The following FTCDNL1 variants were observed in gnomAD, a reference collection of about 807,000 sequenced individuals.
The protein encoded by FTCDNL1 is formiminotransferase N-terminal subdomain-containing protein.
In FTCDNL1, 11 loss-of-function variants were observed where a neutral mutation model predicts 5.9. The observed-to-expected ratio is 1.87, with a 90% CI of 1.18 to 3.10. FTCDNL1 has a LOEUF of 3.10. Ranked by LOEUF, FTCDNL1 falls within the 30% of genes most tolerant of loss-of-function variation. The pLI is 0.00. For missense variants in FTCDNL1, 115 were observed against 65.5 expected, an observed-to-expected ratio of 1.76 and a Z score of -2.61; for synonymous variants, 58 against 24.8, an observed-to-expected ratio of 2.34 and a Z score of -3.99.
chr2:199,670,637 TCA>T, the FTCDNL1 span, among the ~76,000 whole-genome samples: 25 of 152,248 alleles, frequency 1.6e-4, no homozygotes, highest in South Asian at 5.2e-3. Flanking sequence ...TCCCCAAAAC[TCA>T]CAGACTTTGT....
the FTCDNL1 span, among the ~76,000 whole-genome samples, chr2:199,750,492 T>G: frequency 6.6e-6 from 1 of 152,208 alleles, no homozygotes; most frequent in Non-Finnish European, 1.5e-5. Flanking sequence ...TGTTTCCAAC[T>G]TGACTGAACT....
intron 3 of FTCDNL1, among the ~76,000 whole-genome samples, chr2:199,843,945 A>T (rs964822211): frequency 1.9e-5 from 2 of 103,208 alleles, no homozygotes; most frequent in Non-Finnish European, 4.4e-5. Flanking sequence ...GTGCACAGGG[A>T]AAAAAGGAAA....
chr2:199,784,772 G>C (rs1254508014), intron 3 of FTCDNL1, among the ~76,000 whole-genome samples: 1 of 152,066 alleles, frequency 6.6e-6, no homozygotes, highest in Non-Finnish European at 1.5e-5. Flanking sequence ...CTCCGGCTGG[G>C]GACAGTTCCT....
downstream of FTCDNL1, among the ~76,000 whole-genome samples, chr2:199,758,600 T>G: frequency 6.6e-6 from 1 of 152,092 alleles, no homozygotes; most frequent in East Asian, 1.9e-4. Context: ...AGCAAATCCT[T>G]CCCTCCCACT....
At chr2:199,700,121 T>C in the FTCDNL1 span, among the ~76,000 whole-genome samples, 1 of 152,138 alleles carries the variant, frequency 6.6e-6, no homozygotes, top group Non-Finnish European at 1.5e-5. Context: ...TCTCTCTTCA[T>C]AGACAATATG....
chr2:199,724,578 T>C, the FTCDNL1 span, among the ~76,000 whole-genome samples: 1 of 152,214 alleles, frequency 6.6e-6, no homozygotes, highest in Non-Finnish European at 1.5e-5. Flanking sequence ...TTCTGGTATG[T>C]TGTCTCCTTG....
At position 199,846,070 on chromosome 2, in the gene FTCDNL1, C is replaced by T. The variant is rs1012114186; in HGVS notation, c.211+5G>A. ...TATATGTAAAGAAAGAAACTGAAATCTTACCCAACTTATCAACAGAAGTTG... is the reference window on the plus strand; with the variant it reads ...TATATGTAAAGAAAGAAACTGAAATTTTACCCAACTTATCAACAGAAGTTG... On this transcript the variant is annotated splice_donor_5th_base_variant and intron_variant, in intron 3 of 4. Coordinates refer to ENST00000420128, the MANE Select transcript of FTCDNL1 (RefSeq NM_001363886.2). The T allele has an allele frequency of 1.5e-6, 1 of 686,408 alleles. No individual in the cohort carries two copies. Among genetic ancestry groups the T allele is most frequent in the African/African-American group, 1.8e-5 (1 of 56,238 alleles). The allele number at this position is 686,408 out of a possible 1,614,324, so 42.5% of individuals were successfully genotyped here.
At chr2:199,707,087 C>A in the FTCDNL1 span, among the ~76,000 whole-genome samples, 1 of 152,314 alleles carries the variant, frequency 6.6e-6, no homozygotes, top group East Asian at 1.9e-4. Context: ...TTATATATAT[C>A]CCAGATGATA....
At chr2:199,818,364 A>G (rs1701478235) in intron 4 of FTCDNL1, 1 of 152,222 alleles carries the variant, frequency 6.6e-6, no homozygotes, top group African/African-American at 2.4e-5. Flanking sequence ...AATGAAATAC[A>G]TTTGTAATAT....
downstream of FTCDNL1, among the ~76,000 whole-genome samples, chr2:199,756,167 T>C (rs981338726): frequency 2.6e-5 from 4 of 152,340 alleles, no homozygotes; most frequent in East Asian, 7.7e-4. Context: ...GTCCTCAACA[T>C]GAACAGTAGT....
chr2:199,667,889 A>T, the FTCDNL1 span, among the ~76,000 whole-genome samples: 1 of 152,220 alleles, frequency 6.6e-6, no homozygotes, highest in African/African-American at 2.4e-5. Context: ...GAGAAGAAAC[A>T]ATGAACTCAA....
chr2:199,793,512 T>TTTA (rs1438083410), intron 3 of FTCDNL1, among the ~76,000 whole-genome samples: 1 of 149,494 alleles, frequency 6.7e-6, no homozygotes, highest in African/African-American at 2.4e-5. Context: ...GTGCAGTCCG[T>TTTA]TTATATAGAC....
chr2:199,685,871 C>G, the FTCDNL1 span, among the ~76,000 whole-genome samples: 1 of 152,212 alleles, frequency 6.6e-6, no homozygotes, highest in Non-Finnish European at 1.5e-5. Flanking sequence ...ATTGAAGAAA[C>G]CACAGACTCC....
At chr2:199,745,862 C>CT in the FTCDNL1 span, among the ~76,000 whole-genome samples, 3 of 151,416 alleles carry the variant, frequency 2.0e-5, no homozygotes, top group South Asian at 2.1e-4. Context: ...TGAGTTTACC[C>CT]GTAATTATTT....
intron 3 of FTCDNL1, among the ~76,000 whole-genome samples, chr2:199,793,957 A>G (rs1312280996): frequency 1.3e-5 from 2 of 152,230 alleles, no homozygotes; most frequent in Non-Finnish European, 2.9e-5. Context: ...GAGGTGGCAT[A>G]AAGAGTAAAA....
chr2:199,797,844 C>T (rs891200240), intron 3 of FTCDNL1, among the ~76,000 whole-genome samples: 11 of 152,212 alleles, frequency 7.2e-5, no homozygotes, highest in Middle Eastern at 3.2e-3. Context: ...AGCCACAGAA[C>T]AGAACCTGGC....
chr2:199,701,299 TAAAAAAAAAAAAAAAAAA>T, the FTCDNL1 span, among the ~76,000 whole-genome samples: 4 of 72,386 alleles, frequency 5.5e-5, no homozygotes, highest in African/African-American at 1.8e-4. Flanking sequence ...CTTGAAAGTT[TAAAAAAAAAAAAAAAAAA>T]AAAAAAAAAA....
downstream of FTCDNL1, among the ~76,000 whole-genome samples, chr2:199,808,001 T>G (rs867213538): frequency 2.1e-4 from 32 of 152,278 alleles, no homozygotes; most frequent in South Asian, 4.2e-4. Flanking sequence ...ACCATCCTCT[T>G]GGTACTCTCC....
At chr2:199,717,126 A>C in the FTCDNL1 span, among the ~76,000 whole-genome samples, 2 of 152,342 alleles carry the variant, frequency 1.3e-5, no homozygotes, top group Admixed American at 1.3e-4. Context: ...AGAGAATATG[A>C]ACATGGCTTG....
Sources: allele counts gnomAD v4.1 joint callset (sites outside exome capture counted in the v4.1 genomes callset), GRCh38; gene constraint gnomAD v4.1.1; transcripts MANE v1.5; gene names NCBI Gene and HGNC (gene_info 2026-07-23, HGNC 2026-07-21).